KCNJ3: variants seen among roughly 807,000 people sequenced by gnomAD.
KCNJ3 encodes potassium inwardly rectifying channel subfamily J member 3.
KCNJ3 carries 4 observed loss-of-function variants against 39.2 expected under a neutral mutation model. That is an observed-to-expected ratio of 0.10 (90% CI 0.05 to 0.23). The LOEUF is 0.23. KCNJ3 is among the 10% of genes least tolerant of loss of function. The pLI is 1.00. For missense variants in KCNJ3, 276 were observed against 634.9 expected (o/e 0.43, Z 6.08); for synonymous variants, 230 against 237.4 (o/e 0.97, Z 0.29).
At chr2:154,772,998 G>A (rs985091) in intron 2 of KCNJ3, among the ~76,000 whole-genome samples, 92,331 of 151,782 alleles carry the variant, frequency 0.61, 28,594 homozygotes, top group African/African-American at 0.72. Context: ...ATTTAGTGCT[G>A]TAAGATCTAC....
intron 2 of KCNJ3, among the ~76,000 whole-genome samples, chr2:154,711,303 T>C (rs1574430388): frequency 6.6e-6 from 1 of 152,112 alleles, no homozygotes; most frequent in Admixed American, 6.5e-5. Context: ...AGTAATGTAT[T>C]AGGGCTTAAA....
chr2:154,735,672 C>A (rs1210266086), intron 2 of KCNJ3, among the ~76,000 whole-genome samples: 2 of 152,114 alleles, frequency 1.3e-5, no homozygotes, highest in African/African-American at 4.8e-5. Context: ...AAAAATGGAA[C>A]TAGACATACA....
intron 2 of KCNJ3, among the ~76,000 whole-genome samples, chr2:154,738,432 G>T (rs1685588329): frequency 6.6e-6 from 1 of 152,004 alleles, no homozygotes; most frequent in Admixed American, 6.6e-5. Context: ...TGAATTGTTT[G>T]TAACTCAAAG....
intron 2 of KCNJ3, among the ~76,000 whole-genome samples, chr2:154,781,475 G>A (rs2652439): frequency 1 from 152,302 of 152,320 alleles, 76,142 homozygotes; most frequent in Non-Finnish European, 1. Flanking sequence ...GTATTTGCTG[G>A]TAGGAAAAAT....
At position 154,699,544 on chromosome 2, in the gene KCNJ3, T is replaced by C. The variant is rs1684849559; in HGVS notation, c.702+67T>C. ...CCCCAAACCCGCGGAGTAACTCGTC[T>C]GAGAACCAGCCCGGGCCCCCTCCCC... On this transcript the variant is annotated intron_variant, in intron 1 of 2. Transcript: ENST00000295101. This position sits in a 1 kb window ranked among gnomAD's most constrained non-coding sequence, Gnocchi z 6.4. The C allele has an allele frequency of 1.3e-6, 2 of 1,491,256 alleles. No homozygotes were observed. Among genetic ancestry groups the C allele is most frequent in the Admixed American group, 2.1e-5 (1 of 48,766 alleles). The allele number at this position is 1,491,256 out of a possible 1,614,324, so 92.4% of individuals were successfully genotyped here. A position where few individuals can be genotyped will look rare whatever the true frequency, so the allele number is the denominator to read the frequency against.
intron 2 of KCNJ3, among the ~76,000 whole-genome samples, chr2:154,739,530 C>T (rs141832960): frequency 1.8e-4 from 28 of 152,196 alleles, no homozygotes; most frequent in African/African-American, 6.7e-4. Context: ...GACCATCCAT[C>T]CTTCTTCACC....
At chr2:154,796,043 G>A (rs1686714378) in intron 2 of KCNJ3, among the ~76,000 whole-genome samples, 1 of 152,042 alleles carries the variant, frequency 6.6e-6, no homozygotes. Context: ...ATTTCCTCAT[G>A]TGCCTTTCTT....
chr2:154,829,886 G>A (rs1169223942), intron 2 of KCNJ3, among the ~76,000 whole-genome samples: 2 of 152,118 alleles, frequency 1.3e-5, no homozygotes, highest in Non-Finnish European at 2.9e-5. Flanking sequence ...AATGATTAGT[G>A]ATGTTGAGCA....
At chr2:154,845,971 G>GAAAA (rs34720142) in intron 2 of KCNJ3, among the ~76,000 whole-genome samples, 1 of 145,142 alleles carries the variant, frequency 6.9e-6, no homozygotes, top group African/African-American at 2.6e-5. Context: ...CTCTGTCTCA[G>GAAAA]AAAAAAAAAA....
intron 2 of KCNJ3, among the ~76,000 whole-genome samples, chr2:154,715,116 C>T (rs1329374450): frequency 6.6e-6 from 1 of 152,132 alleles, no homozygotes; most frequent in African/African-American, 2.4e-5. Context: ...GCTGCTACTC[C>T]CTGTTAGTAA....
At chr2:154,730,107 C>T (rs953480300) in intron 2 of KCNJ3, among the ~76,000 whole-genome samples, 4 of 151,778 alleles carry the variant, frequency 2.6e-5, no homozygotes, top group Non-Finnish European at 5.9e-5. Context: ...CTGCTTTCTG[C>T]TTATAACTCT....
intron 2 of KCNJ3, among the ~76,000 whole-genome samples, chr2:154,751,752 C>G (rs1685848759): frequency 6.6e-6 from 1 of 151,970 alleles, no homozygotes; most frequent in Admixed American, 6.6e-5. Context: ...GCTTGAAGCC[C>G]AAGATCAAGG....
intron 2 of KCNJ3, among the ~76,000 whole-genome samples, chr2:154,798,916 G>A (rs974534305): frequency 1.3e-5 from 2 of 151,770 alleles, no homozygotes; most frequent in African/African-American, 4.8e-5. Flanking sequence ...TGTGTGATGT[G>A]TATGTGCATG....
In KCNJ3 at chr2:154,855,226, G is replaced by A; in HGVS notation, c.1419G>A (p.Lys473=). The A allele has an allele frequency of 1.9e-6, 3 of 1,613,788 alleles. No individual in the cohort carries two copies. Among genetic ancestry groups the A allele is most frequent in the Non-Finnish European group, 2.5e-6 (3 of 1,179,912 alleles). ...AGTCTGTGGCTGATTTGCCACCAAA[G>A]CTTCAAAAGATGGCTGGAGGAGCAG... The part of the protein sequence containing the change: ...MSQSVADLPP[K]LQKMAGGAAR... Residue 473 remains lysine, a synonymous_variant, in exon 3 of 3, where the codon AAG becomes AAA. Coordinates refer to ENST00000295101, the MANE Select transcript of KCNJ3 (RefSeq NM_002239.4).
chr2:154,788,455 T>C (rs1686572240), intron 2 of KCNJ3, among the ~76,000 whole-genome samples: 1 of 152,108 alleles, frequency 6.6e-6, no homozygotes, highest in African/African-American at 2.4e-5. Context: ...TGAAAAATGG[T>C]GGTCTTTTTG....
chr2:154,752,922 T>A (rs1685871589), intron 2 of KCNJ3, among the ~76,000 whole-genome samples: 1 of 152,032 alleles, frequency 6.6e-6, no homozygotes, highest in Non-Finnish European at 1.5e-5. Flanking sequence ...AAAACAATTA[T>A]GTCTAAAACA....
chr2:154,720,334 T>C (rs894098526), intron 2 of KCNJ3, among the ~76,000 whole-genome samples: 6 of 152,038 alleles, frequency 3.9e-5, no homozygotes, highest in African/African-American at 1.4e-4. Flanking sequence ...TAAGAGTAGC[T>C]CTAGTTCTGA....
intron 2 of KCNJ3, among the ~76,000 whole-genome samples, chr2:154,806,772 A>G (rs1305655214): frequency 6.6e-6 from 1 of 152,196 alleles, no homozygotes; most frequent in African/African-American, 2.4e-5. Context: ...TGCCTTCCTC[A>G]GGTTTCCAGA....
chr2:154,839,829 A>T (rs954904391), intron 2 of KCNJ3, among the ~76,000 whole-genome samples: 1 of 151,668 alleles, frequency 6.6e-6, no homozygotes, highest in Non-Finnish European at 1.5e-5. Context: ...TAGATTCCGG[A>T]TGTTAGCCCT....
Sources: allele counts gnomAD v4.1 joint callset (sites outside exome capture counted in the v4.1 genomes callset), GRCh38; gene constraint gnomAD v4.1.1; non-coding constraint Gnocchi (gnomAD v3.1); transcripts MANE v1.5; gene names NCBI Gene and HGNC (gene_info 2026-07-23, HGNC 2026-07-21).